The following CCDC192 variants were observed in gnomAD, a reference collection of about 807,000 sequenced individuals.
The protein encoded by CCDC192 is coiled-coil domain-containing protein 192.
intron 5 of CCDC192, among the ~76,000 whole-genome samples, chr5:127,821,636 C>T (rs993362050): frequency 2.6e-5 from 4 of 152,322 alleles, no homozygotes; most frequent in Middle Eastern, 3.4e-3. Context: ...TCTTAAAGCC[C>T]AGCTCAGAAC....
intron 3 of CCDC192, among the ~76,000 whole-genome samples, chr5:127,787,898 A>G (rs769738995): frequency 6.6e-6 from 1 of 152,160 alleles, no homozygotes; most frequent in East Asian, 1.9e-4. Flanking sequence ...CCTGGCCAAC[A>G]TGGCAAAACC....
At chr5:127,726,443 T>C (rs1032851159) in intron 2 of CCDC192, among the ~76,000 whole-genome samples, 2 of 152,208 alleles carry the variant, frequency 1.3e-5, no homozygotes, top group African/African-American at 2.4e-5. Context: ...AAAAATTCTT[T>C]GAAAAACTTT....
chr5:127,847,844 A>AATAAATAC (rs1554080656), intron 5 of CCDC192, among the ~76,000 whole-genome samples: 76 of 151,198 alleles, frequency 5.0e-4, no homozygotes, highest in African/African-American at 1.7e-3. Context: ...TAAATAAATA[A>AATAAATAC]ATAAATAAAT....
chr5:127,855,590 G>A (rs1174024551), intron 5 of CCDC192, among the ~76,000 whole-genome samples: 1 of 152,150 alleles, frequency 6.6e-6, no homozygotes, highest in East Asian at 1.9e-4. Context: ...TTTCCAGAAG[G>A]CCTTCAATTG....
At chr5:127,792,507 C>G (rs886387636) in intron 3 of CCDC192, among the ~76,000 whole-genome samples, 6 of 143,088 alleles carry the variant, frequency 4.2e-5, no homozygotes, top group Admixed American at 7.2e-5. Flanking sequence ...GGGACACAAC[C>G]AAACCATATC....
intron 3 of CCDC192, among the ~76,000 whole-genome samples, chr5:127,778,390 A>G (rs535156868): frequency 7.9e-5 from 12 of 152,140 alleles, no homozygotes; most frequent in African/African-American, 2.4e-4. Flanking sequence ...TTTTTCCTCT[A>G]TTCTATCAAT....
At chr5:127,766,436 C>G (rs530148355) in intron 3 of CCDC192, among the ~76,000 whole-genome samples, 1 of 151,790 alleles carries the variant, frequency 6.6e-6, no homozygotes, top group Non-Finnish European at 1.5e-5. Flanking sequence ...CAAAACAAAA[C>G]AAAAACCTGT....
intron 6 of CCDC192, among the ~76,000 whole-genome samples, chr5:127,928,669 A>G (rs1753931370): frequency 6.6e-6 from 1 of 152,216 alleles, no homozygotes; most frequent in African/African-American, 2.4e-5. Context: ...CCCTGTTTCT[A>G]AAGTACTCTT....
intron 5 of CCDC192, among the ~76,000 whole-genome samples, chr5:127,842,454 G>A (rs1388465203): frequency 6.6e-6 from 1 of 152,150 alleles, no homozygotes; most frequent in African/African-American, 2.4e-5. Flanking sequence ...CTGGGCTCAA[G>A]CAATCCTCCC....
chr5:127,798,412 A>C lies in CCDC192; in HGVS notation c.411+250A>C, dbSNP rs186501882. 4.1e-4 allele frequency among the ~76,000 whole-genome samples: 63 copies of C among 152,304 alleles called. 1 individual carries two copies. The highest frequency in any genetic ancestry group is 1.4e-3 in the African/African-American group (59 of 41,578). On this transcript the variant is annotated intron_variant, in intron 5 of 6. Coordinates refer to ENST00000514853, the MANE Select transcript of CCDC192 (RefSeq NM_001317938.2). ...TGGTCTAATCAGGTGCTATCAGAAG[A>C]AGAGAACTGGAAACTTAGGACAGAA...
intron 2 of CCDC192, among the ~76,000 whole-genome samples, chr5:127,731,202 G>A (rs1345774814): frequency 6.6e-6 from 1 of 152,078 alleles, no homozygotes; most frequent in Non-Finnish European, 1.5e-5. Context: ...AAAATCACGA[G>A]CATTCCTATA....
chr5:127,892,048 T>C (rs1363928005), intron 6 of CCDC192, among the ~76,000 whole-genome samples: 1 of 152,072 alleles, frequency 6.6e-6, no homozygotes, highest in Admixed American at 6.6e-5. Context: ...TACTATTGGG[T>C]TTTTATCAGA....
intron 5 of CCDC192, among the ~76,000 whole-genome samples, chr5:127,872,049 AT>A (rs1561533177): frequency 6.6e-6 from 1 of 152,210 alleles, no homozygotes; most frequent in East Asian, 1.9e-4. Flanking sequence ...AAATCATTTG[AT>A]GTCTATGACT....
At chr5:127,757,546 C>G (rs1016654436) in intron 3 of CCDC192, among the ~76,000 whole-genome samples, 4 of 151,802 alleles carry the variant, frequency 2.6e-5, no homozygotes, top group African/African-American at 9.7e-5. Context: ...AGTCCTCTGT[C>G]CCCTATTTTA....
Position 127,843,441 on chromosome 5 carries a change from CTT to C in CCDC192, c.412-32084_412-32083del, listed in dbSNP as rs35146997. Among the ~76,000 whole-genome samples, 9 of 129,288 alleles carry C rather than the reference CTT, an allele frequency of 7.0e-5. No homozygotes were observed. The East Asian group carries it at 7.1e-4, about 10-fold the overall frequency. The allele number at this position is 129,288 out of a possible 152,430, so 84.8% of individuals were successfully genotyped here. A position where few individuals can be genotyped will look rare whatever the true frequency, so the allele number is the denominator to read the frequency against. ...ACACAGTAATTATCCAAGAATAACT[CTT>C]TTTTTTTTTTTTGAGACGGAATCTT... On this transcript the variant is annotated intron_variant, in intron 5 of 6. Transcript: ENST00000514853.
chr5:127,797,292 G>C (rs1757215037), intron 4 of CCDC192, 58 bp downstream of exon 4: 1 of 390,926 alleles, frequency 2.6e-6, no homozygotes, highest in East Asian at 3.6e-5. Context: ...TATATGAATT[G>C]ACAATCCTGG....
At chr5:127,905,642 T>C (rs1561546556) in intron 6 of CCDC192, among the ~76,000 whole-genome samples, 1 of 152,160 alleles carries the variant, frequency 6.6e-6, no homozygotes, top group Non-Finnish European at 1.5e-5. Context: ...CTTACAGCTA[T>C]CAAAAGGTGT....
At chr5:127,755,990 C>G (rs572458708) in intron 3 of CCDC192, among the ~76,000 whole-genome samples, 236 of 152,062 alleles carry the variant, frequency 1.6e-3, no homozygotes, top group South Asian at 7.1e-3. Flanking sequence ...AAAATTAGCC[C>G]AGCGTAGTGG....
At chr5:127,860,633 T>C (rs1178855962) in intron 5 of CCDC192, among the ~76,000 whole-genome samples, 8 of 151,812 alleles carry the variant, frequency 5.3e-5, no homozygotes, top group African/African-American at 1.9e-4. Context: ...AGCAAAGTAA[T>C]AGAGAAGTGA....
Sources: gnomAD v4.1 joint callset for allele counts (sites outside exome capture counted in the v4.1 genomes callset) on GRCh38, gnomAD v4.1.1 for gene constraint, MANE v1.5 for transcripts, NCBI Gene and HGNC (gene_info 2026-07-23, HGNC 2026-07-21) for gene names.